Variants in PCDHGB4 observed in about 807,000 individuals in gnomAD.
PCDHGB4 encodes the protein protocadherin gamma subfamily B, 4, also known as protocadherin gamma-B4.
Under a neutral mutation model 60.5 loss-of-function variants are expected in PCDHGB4, and 38 were observed. That is an observed-to-expected ratio of 0.63 (90% CI 0.48 to 0.82). The LOEUF is 0.82. PCDHGB4 is among the 40% of genes least tolerant of loss of function. The pLI, the probability that PCDHGB4 is intolerant of heterozygous loss-of-function variation, is 0.00. For synonymous variants in PCDHGB4, 456 were observed against 509.7 expected (o/e 0.89, Z 1.42); for missense variants, 1,109 against 1,209.6 (o/e 0.92, Z 1.23).
intron 1 of PCDHGB4, 162 bp from the exon 2 acceptor site, chr5:141,494,645 G>A: frequency 1.1e-6 from 1 of 935,948 alleles, no homozygotes. Flanking sequence ...GAGACCTGAG[G>A]TGTATTTTGT....
intron 1 of PCDHGB4, among the ~76,000 whole-genome samples, chr5:141,462,012 G>A (rs1046109009): frequency 9.9e-5 from 15 of 152,128 alleles, no homozygotes; most frequent in Admixed American, 5.9e-4. Context: ...TAATAGAGAC[G>A]GGGTTTCTTC....
chr5:141,477,857 C>T lies in PCDHGB4; in HGVS notation c.2398-16950C>T. ...AGGTGGGAGCTCGGTGGAGATGCTG[C>T]CTCGAGGTACCTCAGCTGGCCACCT... On this transcript the variant is annotated intron_variant, in intron 1 of 3. Transcript: ENST00000519479. The surrounding 1 kb of genome is among the most constrained non-coding windows in gnomAD (Gnocchi z 4.9). The T allele has an allele frequency of 6.2e-7, 1 of 1,613,574 alleles. No individual in the cohort carries two copies. The highest frequency in any genetic ancestry group is 8.5e-7 in the Non-Finnish European group (1 of 1,179,836).
intron 1 of PCDHGB4, chr5:141,414,787 G>T (rs372484037): frequency 6.2e-7 from 1 of 1,614,230 alleles, no homozygotes; most frequent in Admixed American, 1.7e-5. Context: ...GCAGGTGACA[G>T]CCAGCGACAG....
At chr5:141,502,907 G>C (rs1335363561) in intron 2 of PCDHGB4, among the ~76,000 whole-genome samples, 2 of 138,924 alleles carry the variant, frequency 1.4e-5, no homozygotes, top group Non-Finnish European at 3.0e-5. Context: ...CTGTTGCCAG[G>C]CTGGAGTGCA....
intron 1 of PCDHGB4, chr5:141,422,668 G>A: frequency 6.2e-7 from 1 of 1,607,686 alleles, no homozygotes; most frequent in Non-Finnish European, 8.5e-7. Context: ...CCTCGACCCG[G>A]ACAGCAAACA....
chr5:141,389,303 G>C lies in PCDHGB4; in HGVS notation c.1419G>C (p.Arg473Ser). The C allele has an allele frequency of 1.9e-6, 3 of 1,614,000 alleles. No homozygotes were observed. The highest frequency in any genetic ancestry group is 2.5e-6 in the Non-Finnish European group (3 of 1,179,902). The change falls in exon 1 of 4, where the codon AGG becomes AGC. Residue 473 changes from arginine to serine, a missense_variant. Physicochemically the swap from Arg to Ser is moderately radical, Grantham distance 110. Around this residue, in one of 2 missense-constraint regions of PCDHGB4, gnomAD observed 1,068 missense variants for 1,089.9 expected, o/e 0.98. Coordinates refer to ENST00000519479, the MANE Select transcript of PCDHGB4 (RefSeq NM_003736.4). ...CTGGAGCCTCTATTTCACAAGTCAG[G>C]GCTTCTGATCCGGACTTGGGGCCCA... Reference protein sequence around the residue: ...NPPGASISQVRASDPDLGPNG... With the variant: ...NPPGASISQVSASDPDLGPNG...
At position 141,422,391 on chromosome 5, in the gene PCDHGB4, T is replaced by A. The variant is rs1036823508; in HGVS notation, c.2397+32110T>A. On this transcript the variant is annotated intron_variant, in intron 1 of 3. Transcript: ENST00000519479. ...ATGGTCAAGTCTCCTGTTTTATTCCTAACCACCTGCCTTTTAAATTAGAAA... is the reference window on the plus strand; with the variant it reads ...ATGGTCAAGTCTCCTGTTTTATTCCAAACCACCTGCCTTTTAAATTAGAAA... 2.5e-6 allele frequency: 4 copies of A among 1,591,932 alleles called. No individual in the cohort carries two copies. The African/African-American group carries it at 4.1e-5, about 16-fold the overall frequency.
At chr5:141,488,519 G>C (rs1210943979) in intron 1 of PCDHGB4, among the ~76,000 whole-genome samples, 1 of 152,184 alleles carries the variant, frequency 6.6e-6, no homozygotes, top group Non-Finnish European at 1.5e-5. Flanking sequence ...GGGGTCTGGG[G>C]TGTCAGAAAA....
intron 1 of PCDHGB4, chr5:141,417,591 C>T (rs1287721863): frequency 2.1e-6 from 1 of 484,478 alleles, no homozygotes; most frequent in East Asian, 3.4e-5. Context: ...CACAGAGCCT[C>T]TGGGCGCCGC....
intron 1 of PCDHGB4, chr5:141,398,616 C>T (rs922729367): frequency 6.2e-7 from 1 of 1,614,020 alleles, no homozygotes; most frequent in Non-Finnish European, 8.5e-7. Flanking sequence ...CAGATATTGG[C>T]TTAAACTCTC....
At chr5:141,400,339 A>G in intron 1 of PCDHGB4, 1 of 1,613,986 alleles carries the variant, frequency 6.2e-7, no homozygotes. Flanking sequence ...GGTTCCCCCC[A>G]ACTACAGTCA....
intron 1 of PCDHGB4, chr5:141,409,583 G>A (rs1221824873): frequency 1.2e-6 from 2 of 1,613,920 alleles, no homozygotes; most frequent in African/African-American, 1.3e-5. Flanking sequence ...CGTGGTCCAC[G>A]TGGCCGAGAA....
At chr5:141,459,606 T>G (rs1430790771) in intron 1 of PCDHGB4, among the ~76,000 whole-genome samples, 1 of 152,250 alleles carries the variant, frequency 6.6e-6, no homozygotes, top group Non-Finnish European at 1.5e-5. Context: ...GGGAAGTATA[T>G]GCTTAACTTT....
Position 141,390,266 on chromosome 5 carries a change from A to C in PCDHGB4, c.2382A>C (p.Glu794Asp). ...GALFPLCNSS[E>D]LTSHQQAPPN... ...TATTTCCACTTTGTAATTCCAGTGAATTGACTTCCCATCAGGTGAGTTTCC... is the reference window on the plus strand; with the variant it reads ...TATTTCCACTTTGTAATTCCAGTGACTTGACTTCCCATCAGGTGAGTTTCC... Residue 794 changes from glutamate (E) to aspartate (D), a missense_variant, in exon 1 of 4, where the codon GAA (glutamate) becomes GAC (aspartate). Physicochemically the swap from Glu to Asp is conservative, Grantham distance 45. Coordinates refer to ENST00000519479, the MANE Select transcript of PCDHGB4 (RefSeq NM_003736.4). 2 of 1,614,010 alleles carry C rather than the reference A, an allele frequency of 1.2e-6. No individual in the cohort carries two copies. Among genetic ancestry groups the C allele is most frequent in the East Asian group, 4.5e-5 (2 of 44,890 alleles).
At chr5:141,497,354 A>G (rs1430368474) in intron 2 of PCDHGB4, among the ~76,000 whole-genome samples, 1 of 152,054 alleles carries the variant, frequency 6.6e-6, no homozygotes, top group Non-Finnish European at 1.5e-5. Flanking sequence ...AGCCCCACCA[A>G]CTGCCTCTCA....
At chr5:141,483,656 G>A (rs1345435222) in intron 1 of PCDHGB4, among the ~76,000 whole-genome samples, 1 of 151,984 alleles carries the variant, frequency 6.6e-6, no homozygotes, top group Non-Finnish European at 1.5e-5. Flanking sequence ...GTTTGTGTGT[G>A]TGTGTGTGTG....
intron 1 of PCDHGB4, among the ~76,000 whole-genome samples, chr5:141,455,576 G>T (rs752051075): frequency 1.3e-5 from 2 of 152,154 alleles, no homozygotes; most frequent in Non-Finnish European, 2.9e-5. Flanking sequence ...TCCCACCCCA[G>T]CCTTTTAATA....
intron 1 of PCDHGB4, chr5:141,414,301 C>A (rs199806270): frequency 1.1e-5 from 18 of 1,613,280 alleles, no homozygotes; most frequent in Non-Finnish European, 1.7e-6. Flanking sequence ...TTTAAATGTG[C>A]ATGATTTAGA....
intron 1 of PCDHGB4, chr5:141,426,995 C>A (rs772977735): frequency 2.2e-6 from 1 of 456,694 alleles, no homozygotes; most frequent in South Asian, 1.5e-5. Context: ...ACGATAATGC[C>A]CCAGTTTTTA....
Sources: gnomAD v4.1 joint callset for allele counts (sites outside exome capture counted in the v4.1 genomes callset) on GRCh38, gnomAD v4.1.1 for gene constraint, gnomAD v4.1.1 regional missense constraint, Gnocchi (gnomAD v3.1) non-coding constraint, MANE v1.5 for transcripts, NCBI Gene and HGNC (gene_info 2026-07-23, HGNC 2026-07-21) for gene names.